GALNT17: variants seen among roughly 807,000 people sequenced by gnomAD.
The protein encoded by GALNT17 is UDP-GalNAc:polypeptide N-acetylgalactosaminyltransferase-like 3.
In GALNT17, 29 loss-of-function variants were observed where a neutral mutation model predicts 63.7. That is an observed-to-expected ratio of 0.46 (90% CI 0.34 to 0.62). The LOEUF is 0.62. Among genes scored for constraint, GALNT17 ranks in the 20% least tolerant of loss-of-function variants. The pLI is 0.01. For synonymous variants in GALNT17, 305 were observed against 318.3 expected, an observed-to-expected ratio of 0.96 and a Z score of 0.45; for missense variants, 603 against 799.6, an observed-to-expected ratio of 0.75 and a Z score of 2.97.
At chr7:71,261,699 T>A (rs978581214) in intron 1 of GALNT17, among the ~76,000 whole-genome samples, 5 of 152,210 alleles carry the variant, frequency 3.3e-5, no homozygotes, top group South Asian at 2.1e-4. Flanking sequence ...CCCTTGGCTG[T>A]GACAGTGGTG....
intron 9 of GALNT17, among the ~76,000 whole-genome samples, chr7:71,678,943 C>T (rs567666602): frequency 6.5e-4 from 85 of 130,152 alleles, no homozygotes; most frequent in Non-Finnish European, 2.0e-4. Flanking sequence ...GGCGACAGAG[C>T]GAGACTCCAT....
chr7:71,213,925 A>C (rs1789427709), intron 1 of GALNT17, among the ~76,000 whole-genome samples: 1 of 152,106 alleles, frequency 6.6e-6, no homozygotes, highest in Non-Finnish European at 1.5e-5. Context: ...GCAAACTCTC[A>C]TCTCTCTATA....
At chr7:71,254,530 T>C (rs1424724467) in intron 1 of GALNT17, among the ~76,000 whole-genome samples, 1 of 152,172 alleles carries the variant, frequency 6.6e-6, no homozygotes, top group African/African-American at 2.4e-5. Context: ...CAAAGAATCT[T>C]TTTTGTCAGT....
chr7:71,140,828 C>A (rs1293891421), intron 1 of GALNT17, among the ~76,000 whole-genome samples: 1 of 149,716 alleles, frequency 6.7e-6, no homozygotes, highest in Admixed American at 6.7e-5. Flanking sequence ...TTGAGACTAG[C>A]TTGGGCAACA....
At chr7:71,150,150 C>T (rs1299383149) in intron 1 of GALNT17, among the ~76,000 whole-genome samples, 1 of 152,098 alleles carries the variant, frequency 6.6e-6, no homozygotes, top group African/African-American at 2.4e-5. Context: ...GTGCCACAGA[C>T]CTAGGTTTGA....
intron 1 of GALNT17, among the ~76,000 whole-genome samples, chr7:71,311,881 G>C (rs17137550): frequency 6.6e-6 from 1 of 152,136 alleles, no homozygotes; most frequent in Non-Finnish European, 1.5e-5. Context: ...TTCCACACTA[G>C]CTGTCCCTCC....
At position 71,597,044 on chromosome 7, in the gene GALNT17, T is replaced by A. The variant is rs141621697; in HGVS notation, c.1080+25642T>A. On this transcript the variant is annotated intron_variant, in intron 6 of 10. Transcript: ENST00000333538. ...CTCTACAAAAAAAGGGTTTCGTTTG[T>A]TTGTTTGTTTTGAGGTGGAGTCTTG... Among the ~76,000 whole-genome samples, 20 of 151,928 alleles carry A rather than the reference T, an allele frequency of 1.3e-4. No homozygotes were observed. The East Asian group carries it at 3.9e-3, about 30-fold the overall frequency.
At chr7:71,552,857 T>C (rs1789103996) in intron 5 of GALNT17, among the ~76,000 whole-genome samples, 1 of 152,308 alleles carries the variant, frequency 6.6e-6, no homozygotes, top group Non-Finnish European at 1.5e-5. Flanking sequence ...TTCTGGCCTT[T>C]TGAGGTGGCT....
chr7:71,520,851 G>C (rs117172753), intron 5 of GALNT17, among the ~76,000 whole-genome samples: 2,181 of 152,234 alleles, frequency 0.014, 27 homozygotes, highest in South Asian at 0.017. Flanking sequence ...ATCAGGAGGA[G>C]AGACTAGGAG....
chr7:71,656,118 T>A lies in GALNT17; in HGVS notation c.1081-9293T>A, dbSNP rs554568682. 2.0e-5 allele frequency among the ~76,000 whole-genome samples: 3 copies of A among 152,314 alleles called. No homozygotes were observed. In the East Asian group the frequency reaches 5.8e-4, roughly 29 times the overall value. Reference sequence around the variant, plus strand: ...GAACTCTTTGGGTACTTACTTATGTTCCAGGCACAGTGCTGGGCAGTAGGG... The same window carrying A: ...GAACTCTTTGGGTACTTACTTATGTACCAGGCACAGTGCTGGGCAGTAGGG... On this transcript the variant is annotated intron_variant, in intron 6 of 10. Transcript: ENST00000333538.
At chr7:71,667,963 T>C (rs1791010088) in intron 7 of GALNT17, among the ~76,000 whole-genome samples, 1 of 152,126 alleles carries the variant, frequency 6.6e-6, no homozygotes, top group Non-Finnish European at 1.5e-5. Context: ...TCTACCTGTC[T>C]AACTTCCGTA....
intron 9 of GALNT17, among the ~76,000 whole-genome samples, chr7:71,678,051 G>T (rs1218254507): frequency 6.6e-6 from 1 of 152,174 alleles, no homozygotes; most frequent in Non-Finnish European, 1.5e-5. Flanking sequence ...AGAGGGGCAA[G>T]TGCCTGTGAG....
At chr7:71,570,037 A>G (rs1281171554) in intron 5 of GALNT17, among the ~76,000 whole-genome samples, 1 of 148,724 alleles carries the variant, frequency 6.7e-6, no homozygotes, top group Non-Finnish European at 1.5e-5. Context: ...CCTTGCCAAC[A>G]TCTGGTGGGT....
chr7:71,293,719 G>C (rs958293949), intron 1 of GALNT17, among the ~76,000 whole-genome samples: 2 of 152,144 alleles, frequency 1.3e-5, no homozygotes, highest in Non-Finnish European at 2.9e-5. Context: ...TAGTGTTTTA[G>C]GTTAGCAATT....
chr7:71,283,998 G>C (rs1211656774), intron 1 of GALNT17: 1 of 152,280 alleles, frequency 6.6e-6, no homozygotes, highest in Non-Finnish European at 1.5e-5. Flanking sequence ...CAATCAGCAG[G>C]ACATGGGCGG....
intron 5 of GALNT17, among the ~76,000 whole-genome samples, chr7:71,537,413 G>T (rs1788818949): frequency 2.0e-5 from 3 of 152,182 alleles, no homozygotes; most frequent in Admixed American, 2.0e-4. Context: ...TTGTTTGGAA[G>T]TGGGTGGCGG....
intron 5 of GALNT17, among the ~76,000 whole-genome samples, chr7:71,524,108 A>G (rs1239080034): frequency 6.6e-6 from 1 of 150,982 alleles, no homozygotes; most frequent in African/African-American, 2.4e-5. Flanking sequence ...CAGAGCGAGA[A>G]TGTGTCTCAA....
rs1424981424 is a variant in GALNT17 at position 71,591,782 on chromosome 7, C to G, written c.1080+20380C>G. On this transcript the variant is annotated intron_variant, in intron 6 of 10. Coordinates refer to ENST00000333538, the MANE Select transcript of GALNT17 (RefSeq NM_022479.3). ...GATTCCAGCGATTCTCCTGCCTCAG[C>G]CTCCTGGGTAGCTGGGATTACAGGC... is the stretch of plus-strand genomic sequence containing the variant. 2.6e-5 allele frequency among the ~76,000 whole-genome samples: 4 copies of G among 152,184 alleles called. No homozygotes were observed. The East Asian group carries it at 7.8e-4, about 30-fold the overall frequency.
intron 1 of GALNT17, among the ~76,000 whole-genome samples, chr7:71,331,414 G>C (rs779775621): frequency 6.6e-6 from 1 of 152,080 alleles, no homozygotes; most frequent in African/African-American, 2.4e-5. Flanking sequence ...CCTTTAAAAA[G>C]TTCCTATATT....
Sources: allele counts gnomAD v4.1 joint callset (sites outside exome capture counted in the v4.1 genomes callset), GRCh38; gene constraint gnomAD v4.1.1; transcripts MANE v1.5; gene names NCBI Gene and HGNC (gene_info 2026-07-23, HGNC 2026-07-21).